The following TIAM1 variants were observed in gnomAD, a reference collection of about 807,000 sequenced individuals.
TIAM1 encodes the protein rho guanine nucleotide exchange factor TIAM1.
TIAM1 carries 65 observed loss-of-function variants against 163.5 expected under a neutral mutation model. The observed-to-expected ratio is 0.40, with a 90% confidence interval of 0.33 to 0.49. TIAM1 has a LOEUF of 0.49. TIAM1 is among the 20% of genes least tolerant of loss of function. The probability of loss-of-function intolerance (pLI) is 0.77; values close to 1 mark genes in which losing one functional copy is unlikely to be tolerated. For synonymous variants in TIAM1, 833 were observed against 810.1 expected (o/e 1.03, Z -0.48); for missense variants, 1,789 against 2,044.7 (o/e 0.87, Z 2.41).
chr21:31,345,475 T>C (rs916806590), upstream of TIAM1, among the ~76,000 whole-genome samples: 4 of 148,374 alleles, frequency 2.7e-5, no homozygotes, highest in African/African-American at 4.9e-5. Flanking sequence ...TTCATATATA[T>C]CCACACGGAT....
intron 1 of TIAM1, among the ~76,000 whole-genome samples, chr21:31,525,379 A>G (rs1210559004): frequency 6.6e-6 from 1 of 151,984 alleles, no homozygotes; most frequent in African/African-American, 2.4e-5. Flanking sequence ...AAAAAAAAAA[A>G]AAAAATCAGA....
At chr21:31,327,693 AAG>A in intron 2 of TIAM1, among the ~76,000 whole-genome samples, 1 of 151,732 alleles carries the variant, frequency 6.6e-6, no homozygotes, top group African/African-American at 2.4e-5. Flanking sequence ...AAGAAGAAAA[AAG>A]ATTTGTGCCT....
intron 6 of TIAM1, among the ~76,000 whole-genome samples, chr21:31,231,000 A>C (rs1415731645): frequency 6.6e-6 from 1 of 151,836 alleles, no homozygotes; most frequent in African/African-American, 2.4e-5. Flanking sequence ...GGGAGAATAG[A>C]ACTTTCTGGC....
At chr21:31,468,117 C>T (rs1055017851) in intron 1 of TIAM1, among the ~76,000 whole-genome samples, 18 of 148,808 alleles carry the variant, frequency 1.2e-4, no homozygotes, top group African/African-American at 4.0e-4. Context: ...ATAAATAAAA[C>T]GACACAGCTG....
chr21:31,413,562 G>A (rs752826117), intron 2 of TIAM1, among the ~76,000 whole-genome samples: 3 of 152,012 alleles, frequency 2.0e-5, no homozygotes, highest in East Asian at 1.9e-4. Flanking sequence ...GAGCCACCAC[G>A]CCCGGCCCTC....
At chr21:31,444,639 C>A (rs943144917) in intron 2 of TIAM1, among the ~76,000 whole-genome samples, 2 of 152,034 alleles carry the variant, frequency 1.3e-5, no homozygotes, top group African/African-American at 4.8e-5. Context: ...GATCCAATAT[C>A]CAAAGAACTG....
chr21:31,120,683 CT>C lies in TIAM1; in HGVS notation c.4460del (p.Gln1487ArgfsTer29). Reference protein sequence around the residue: ...GGDTDRWVEEQFDLAQYEEQD... With the variant: ...GGDTDRWVEEXFDLAQYEEQD... Reference sequence around the variant, plus strand: ...GCTCCTCATACTGAGCAAGATCAAACTGCTCCTCTACCCATCGGTCAGTGTC... The same window carrying C: ...GCTCCTCATACTGAGCAAGATCAAACGCTCCTCTACCCATCGGTCAGTGTC... On this transcript the variant is annotated frameshift_variant, in exon 28 of 28. Coordinates refer to ENST00000541036, the MANE Select transcript of TIAM1 (RefSeq NM_001353694.2). LOFTEE classifies it high-confidence loss of function. The surrounding 1 kb of genome is among the most constrained non-coding windows in gnomAD (Gnocchi z 4.2). 6.2e-7 allele frequency: 1 copy of C among 1,614,116 alleles called. No individual in the cohort carries two copies. The highest frequency in any genetic ancestry group is 8.5e-7 in the Non-Finnish European group (1 of 1,180,024).
intron 2 of TIAM1, among the ~76,000 whole-genome samples, chr21:31,391,624 T>TA (rs796894140): frequency 9.4e-4 from 142 of 151,828 alleles, no homozygotes; most frequent in African/African-American, 2.4e-3. Context: ...GACTCTGTCT[T>TA]AAAAAAAACA....
chr21:31,524,308 C>T (rs917770316), intron 1 of TIAM1, among the ~76,000 whole-genome samples: 1 of 152,048 alleles, frequency 6.6e-6, no homozygotes, highest in African/African-American at 2.4e-5. Flanking sequence ...AGAGGAGGAG[C>T]AAGAGAGAGT....
intron 1 of TIAM1, among the ~76,000 whole-genome samples, chr21:31,523,829 A>T (rs1284551975): frequency 6.6e-6 from 1 of 151,860 alleles, no homozygotes. Context: ...AAGGCACAAG[A>T]ATCACTTGAA....
At chr21:31,470,951 A>G (rs1254932227) in intron 1 of TIAM1, among the ~76,000 whole-genome samples, 1 of 152,144 alleles carries the variant, frequency 6.6e-6, no homozygotes, top group Non-Finnish European at 1.5e-5. Flanking sequence ...GGCAGCTGGG[A>G]TGGTGCGTTC....
At chr21:31,170,119 G>GA (rs1263681611) in intron 15 of TIAM1, among the ~76,000 whole-genome samples, 2 of 152,100 alleles carry the variant, frequency 1.3e-5, no homozygotes, top group South Asian at 2.1e-4. Flanking sequence ...TTAGATTATA[G>GA]AAAAAAACAG....
At chr21:31,271,746 G>A (rs1333210433) in intron 3 of TIAM1, among the ~76,000 whole-genome samples, 2 of 145,934 alleles carry the variant, frequency 1.4e-5, no homozygotes, top group Non-Finnish European at 3.0e-5. Context: ...GAGAAAGTGA[G>A]AGCAAAGGAG....
At chr21:31,269,772 C>T (rs1319682043) in intron 3 of TIAM1, among the ~76,000 whole-genome samples, 8 of 151,250 alleles carry the variant, frequency 5.3e-5, no homozygotes, top group African/African-American at 1.9e-4. Flanking sequence ...CCCAGGTTCA[C>T]GCCATTCTCC....
At chr21:31,375,541 G>A (rs1392240090) in intron 2 of TIAM1, among the ~76,000 whole-genome samples, 1 of 107,112 alleles carries the variant, frequency 9.3e-6, no homozygotes, top group African/African-American at 4.4e-5. Flanking sequence ...ATATAGAAAA[G>A]GAAAAATCAA....
intron 2 of TIAM1, among the ~76,000 whole-genome samples, chr21:31,443,571 T>C (rs1248625090): frequency 5.9e-5 from 9 of 152,140 alleles, no homozygotes; most frequent in Non-Finnish European, 1.3e-4. Context: ...TCCTTGACCA[T>C]CAAGGACCAG....
Position 31,141,059 on chromosome 21 carries a change from A to G in TIAM1, c.3774+59T>C. The G allele has an allele frequency of 1.5e-6, 2 of 1,329,336 alleles. No individual in the cohort carries two copies. Among genetic ancestry groups the G allele is most frequent in the Non-Finnish European group, 2.1e-6 (2 of 958,112 alleles). 82.3% of individuals were successfully genotyped at this position (1,329,336 alleles called of 1,614,324 possible). On this transcript the variant is annotated intron_variant, in intron 22 of 27. Coordinates refer to ENST00000541036, the MANE Select transcript of TIAM1 (RefSeq NM_001353694.2). The surrounding 1 kb of genome is among the most constrained non-coding windows in gnomAD (Gnocchi z 4.7). ...CTTTTTAAAAAATAAATAAATAAATAAAAGCAAACTCAAACTCGGCTTTCC... is the reference window on the plus strand; with the variant it reads ...CTTTTTAAAAAATAAATAAATAAATGAAAGCAAACTCAAACTCGGCTTTCC...
chr21:31,425,792 G>C (rs2043773121), intron 2 of TIAM1, among the ~76,000 whole-genome samples: 1 of 151,788 alleles, frequency 6.6e-6, no homozygotes. Context: ...CGCCTCGCAG[G>C]TTCAAGCAAT....
chr21:31,131,670 T>C (rs1259587432), intron 23 of TIAM1, among the ~76,000 whole-genome samples: 1 of 152,198 alleles, frequency 6.6e-6, no homozygotes, highest in Non-Finnish European at 1.5e-5. Flanking sequence ...AATAGAAGGG[T>C]GACTGACTCC....
Sources: gnomAD v4.1 joint callset for allele counts (sites outside exome capture counted in the v4.1 genomes callset) on GRCh38, gnomAD v4.1.1 for gene constraint, Gnocchi (gnomAD v3.1) non-coding constraint, MANE v1.5 for transcripts, NCBI Gene and HGNC (gene_info 2026-07-23, HGNC 2026-07-21) for gene names.